Variants in MED9 observed in about 807,000 individuals in gnomAD.
MED9 encodes the protein mediator of RNA polymerase II transcription subunit 9.
Under a neutral mutation model 13.2 loss-of-function variants are expected in MED9, and 8 were observed. That is an observed-to-expected ratio of 0.61 (90% CI 0.36 to 1.10). MED9 has a LOEUF of 1.10. Among genes scored for constraint, MED9 ranks in the 50% least tolerant of loss-of-function variants. The pLI, the probability that MED9 is intolerant of heterozygous loss-of-function variation, is 0.02. For synonymous variants in MED9, 87 were observed against 82.8 expected (o/e 1.05, Z -0.28); for missense variants, 180 against 193.4 (o/e 0.93, Z 0.41).
intron 1 of MED9, among the ~76,000 whole-genome samples, chr17:17,484,730 C>A (rs1275998090): frequency 6.6e-6 from 1 of 152,260 alleles, no homozygotes; most frequent in Non-Finnish European, 1.5e-5. Context: ...CTCTTCACTC[C>A]TCTGCCATGT....
chr17:17,489,456 A>G (rs1340383898), intron 1 of MED9, among the ~76,000 whole-genome samples: 1 of 152,214 alleles, frequency 6.6e-6, no homozygotes, highest in Admixed American at 6.5e-5. Flanking sequence ...TTGTTTTACC[A>G]TGTCCTTTGA....
chr17:17,490,452 A>AC (rs1463702121), intron 1 of MED9, among the ~76,000 whole-genome samples: 13 of 152,200 alleles, frequency 8.5e-5, no homozygotes, highest in Admixed American at 2.0e-4. Flanking sequence ...AAACAAACAA[A>AC]AAATGTACAG....
At position 17,491,451 on chromosome 17, in the gene MED9, C is replaced by T; in HGVS notation, c.397C>T (p.Gln133Ter). 1 of 1,614,084 alleles carries T rather than the reference C, an allele frequency of 6.2e-7. No homozygotes were observed. Among genetic ancestry groups the T allele is most frequent in the Non-Finnish European group, 8.5e-7 (1 of 1,179,994 alleles). Reference protein sequence around the residue: ...EQVRTKNELLQKYKSLCMFEI... With the variant: ...EQVRTKNELL ...AGTCAGGACCAAGAATGAGCTTCTG[C>T]AAAAGTACAAGAGCCTCTGCATGTT... The change falls in exon 2 of 2, where the codon CAA becomes TAA. Residue 133 changes from glutamine (Q) to a stop codon, truncating the protein, a stop_gained. Transcript: ENST00000268711. LOFTEE classifies it high-confidence loss of function.
In MED9 at chr17:17,477,001, CT is replaced by C; in HGVS notation, c.-37del. On this transcript the variant is annotated 5_prime_UTR_variant, in exon 1 of 2. Transcript: ENST00000268711. Reference sequence around the variant, plus strand: ...GTGGTGACGTGTAGAGTGCGCGACGCTTTTGGCGACCCGACCTCTGGCTAAC... The same window carrying C: ...GTGGTGACGTGTAGAGTGCGCGACGCTTTGGCGACCCGACCTCTGGCTAAC... 2 of 1,600,300 alleles carry C rather than the reference CT, an allele frequency of 1.2e-6. No homozygotes were observed. Among genetic ancestry groups the C allele is most frequent in the Non-Finnish European group, 8.5e-7 (1 of 1,179,264 alleles).
At chr17:17,484,129 AT>A (rs1176776226) in intron 1 of MED9, among the ~76,000 whole-genome samples, 3 of 152,358 alleles carry the variant, frequency 2.0e-5, no homozygotes, top group African/African-American at 4.8e-5. Flanking sequence ...AACTTAACAA[AT>A]TTGAATCTGA....
Position 17,477,155 on chromosome 17 carries a change from C to G in MED9, c.114C>G (p.Val38=). The G allele has an allele frequency of 6.2e-7, 1 of 1,609,320 alleles. No homozygotes were observed. Among genetic ancestry groups the G allele is most frequent in the Non-Finnish European group, 8.5e-7 (1 of 1,178,098 alleles). Residue 38 remains valine, a synonymous_variant, in exon 1 of 2, where the codon GTC becomes GTG. Coordinates refer to ENST00000268711, the MANE Select transcript of MED9 (RefSeq NM_018019.3). ...TGCCGCCTCCTCAGCCGCCGCCGGT[C>G]CCTGCGCCTCAACCGCAGCAGTCGC... is the stretch of plus-strand genomic sequence containing the variant. ...KPLPPPQPPP[V]PAPQPQQSPA...
chr17:17,480,102 A>G (rs1395214222), intron 1 of MED9, among the ~76,000 whole-genome samples: 1 of 152,216 alleles, frequency 6.6e-6, no homozygotes. Context: ...GATGGTTAAA[A>G]GGTTACTCTC....
chr17:17,492,580 C>T lies in MED9; in HGVS notation c.*1085C>T, dbSNP rs1481042680. ...CTCATTTCCCCAGCTTCCCTGATTT[C>T]TTCCAGATGGGACGTTTTATTTGTG... On this transcript the variant is annotated 3_prime_UTR_variant, in exon 2 of 2. Coordinates refer to ENST00000268711, the MANE Select transcript of MED9 (RefSeq NM_018019.3). 6.6e-6 allele frequency: 1 copy of T among 152,296 alleles called. No individual in the cohort carries two copies. The highest frequency in any genetic ancestry group is 1.5e-5 in the Non-Finnish European group (1 of 68,068). The allele number at this position is 152,296 out of a possible 1,614,324, so 9.4% of individuals were successfully genotyped here. A position where few individuals can be genotyped will look rare whatever the true frequency, so the allele number is the denominator to read the frequency against.
rs1905060370 is a variant in MED9, at chr17:17,483,149, T to G, written c.224+5884T>G. Among the ~76,000 whole-genome samples the G allele has an allele frequency of 6.6e-6, 1 of 152,374 alleles. No individual in the cohort carries two copies. The highest frequency in any genetic ancestry group is 1.9e-4 in the East Asian group (1 of 5,190). On this transcript the variant is annotated intron_variant, in intron 1 of 1. Coordinates refer to ENST00000268711, the MANE Select transcript of MED9 (RefSeq NM_018019.3). This position sits in a 1 kb window ranked among gnomAD's most constrained non-coding sequence, Gnocchi z 4.2. ...TCTTTACTTCCAAGCCTGTTGATAC[T>G]ACTCATTGGCCAGGTCGTTGAGCCT...
In MED9 at chr17:17,484,126, C is replaced by A. The variant is rs1905080215; in HGVS notation, c.224+6861C>A. On this transcript the variant is annotated intron_variant, in intron 1 of 1. Transcript: ENST00000268711. Reference sequence around the variant, plus strand: ...TTATTATTTTTTCCTTCAAACTTAACAAATTTGAATCTGAGTTTGGAATGA... The same window carrying A: ...TTATTATTTTTTCCTTCAAACTTAAAAAATTTGAATCTGAGTTTGGAATGA... Among the ~76,000 whole-genome samples, 4 of 152,266 alleles carry A rather than the reference C, an allele frequency of 2.6e-5. No individual in the cohort carries two copies. In the South Asian group the frequency reaches 8.3e-4, roughly 32 times the overall value.
rs1445467644 is a variant in MED9, at chr17:17,491,728, G to T, written c.*233G>T. The T allele has an allele frequency of 1.9e-6, 1 of 520,310 alleles. No individual in the cohort carries two copies. The highest frequency in any genetic ancestry group is 3.5e-6 in the Non-Finnish European group (1 of 288,558). The allele number at this position is 520,310 out of a possible 1,614,324, so 32.2% of individuals were successfully genotyped here. A position where few individuals can be genotyped will look rare whatever the true frequency, so the allele number is the denominator to read the frequency against. On this transcript the variant is annotated 3_prime_UTR_variant, in exon 2 of 2. Coordinates refer to ENST00000268711, the MANE Select transcript of MED9 (RefSeq NM_018019.3). ...CATATGTCTAGATGCATAATAACTG[G>T]AGTGCCTGCTGGTGGAAGTCAGAAT... is the stretch of plus-strand genomic sequence containing the variant.
rs1299229509 is a variant in MED9, at chr17:17,483,145, A to G, written c.224+5880A>G. On this transcript the variant is annotated intron_variant, in intron 1 of 1. Transcript: ENST00000268711. This position sits in a 1 kb window ranked among gnomAD's most constrained non-coding sequence, Gnocchi z 4.2. ...TGCTTCTTTACTTCCAAGCCTGTTG[A>G]TACTACTCATTGGCCAGGTCGTTGA... 6.6e-6 allele frequency among the ~76,000 whole-genome samples: 1 copy of G among 152,106 alleles called. No homozygotes were observed. The highest frequency in any genetic ancestry group is 2.4e-5 in the African/African-American group (1 of 41,424).
At chr17:17,478,814 GC>G (rs1297065050) in intron 1 of MED9, among the ~76,000 whole-genome samples, 1 of 151,556 alleles carries the variant, frequency 6.6e-6, no homozygotes, top group African/African-American at 2.4e-5. Context: ...CCGAGATCAT[GC>G]CATTGCACTC....
intron 1 of MED9, chr17:17,487,752 G>A (rs1470734452): frequency 6.4e-6 from 1 of 155,918 alleles, no homozygotes; most frequent in Non-Finnish European, 1.4e-5. Context: ...GATGTTCACT[G>A]TCATTCTAGT....
chr17:17,491,618 C>CCCCGCCCCTGCA lies in MED9; in HGVS notation c.*123_*124insCCCGCCCCTGCA. The CCCCGCCCCTGCA allele has an allele frequency of 2.1e-6, 2 of 968,470 alleles. No homozygotes were observed. The highest frequency in any genetic ancestry group is 3.1e-6 in the Non-Finnish European group (2 of 643,676). The allele number at this position is 968,470 out of a possible 1,614,324, so 60.0% of individuals were successfully genotyped here. ...AGCTCAGCTCGTCAAGCTGCAGGGGCGGGGCTCCTGTGCTGCTGCGCGCGC... is the reference window on the plus strand; with the variant it reads ...AGCTCAGCTCGTCAAGCTGCAGGGGCCCCGCCCCTGCAGGGGCTCCTGTGCTGCTGCGCGCGC... On this transcript the variant is annotated 3_prime_UTR_variant, in exon 2 of 2. Coordinates refer to ENST00000268711, the MANE Select transcript of MED9 (RefSeq NM_018019.3).
intron 1 of MED9, among the ~76,000 whole-genome samples, chr17:17,484,321 C>T (rs1382956066): frequency 2.0e-5 from 3 of 152,230 alleles, no homozygotes; most frequent in Admixed American, 6.5e-5. Context: ...AGAGGGGAGC[C>T]GTCCTTGCCA....
Position 17,477,142 on chromosome 17 carries a change from AGCCGCC to A in MED9, c.106_111del (p.Pro36_Pro37del). The stretch of plus-strand genomic sequence containing the variant: ...GACACCAAGCCGCTGCCGCCTCCTC[AGCCGCC>A]GCCGGTCCCTGCGCCTCAACCGCAG... On this transcript the variant is annotated inframe_deletion, in exon 1 of 2. Coordinates refer to ENST00000268711, the MANE Select transcript of MED9 (RefSeq NM_018019.3). 6.2e-7 allele frequency: 1 copy of A among 1,608,174 alleles called. No individual in the cohort carries two copies. The highest frequency in any genetic ancestry group is 8.5e-7 in the Non-Finnish European group (1 of 1,177,996).
chr17:17,480,620 C>T (rs958686630), intron 1 of MED9, among the ~76,000 whole-genome samples: 4 of 152,182 alleles, frequency 2.6e-5, no homozygotes, highest in African/African-American at 4.8e-5. Context: ...CGCACTGCTA[C>T]ACTTCAGCCT....
intron 1 of MED9, chr17:17,487,701 A>G (rs146756045): frequency 1.4e-3 from 245 of 172,940 alleles, no homozygotes; most frequent in African/African-American, 5.6e-3. Flanking sequence ...CCAAGAACCC[A>G]CCAATTCCGG....
Sources: allele counts gnomAD v4.1 joint callset (sites outside exome capture counted in the v4.1 genomes callset), GRCh38; gene constraint gnomAD v4.1.1; non-coding constraint Gnocchi (gnomAD v3.1); transcripts MANE v1.5; gene names NCBI Gene and HGNC (gene_info 2026-07-23, HGNC 2026-07-21).